The following SPON1 variants were observed in gnomAD, a reference collection of about 807,000 sequenced individuals.
SPON1 encodes spondin-1.
In SPON1, 52 loss-of-function variants were observed where a neutral mutation model predicts 111.7. The ratio of observed to expected loss-of-function variants is 0.47; its 90% CI spans 0.37 to 0.59. SPON1 has a LOEUF of 0.59. Ranked by LOEUF, SPON1 falls within the 20% of genes least tolerant of loss-of-function variation. The pLI is 0.00. For missense variants in SPON1, 957 were observed against 1,068.5 expected, an observed-to-expected ratio of 0.90 and a Z score of 1.46; for synonymous variants, 410 against 395.8, an observed-to-expected ratio of 1.04 and a Z score of -0.43.
chr11:14,078,878 A>G (rs1359842897), intron 4 of SPON1, among the ~76,000 whole-genome samples: 1 of 152,212 alleles, frequency 6.6e-6, no homozygotes, highest in Admixed American at 6.5e-5. Flanking sequence ...TGGATTTTAT[A>G]TATTTAAACC....
rs575762179 is a variant in SPON1, at chr11:14,117,464, G to A, written c.677-17956G>A. The stretch of plus-strand genomic sequence containing the variant: ...TATTCATGTAATTTTTTCTGTTAAT[G>A]TGATGAATTGTATTGATTAAATTTT... On this transcript the variant is annotated intron_variant, in intron 5 of 15. Coordinates refer to ENST00000576479, the MANE Select transcript of SPON1 (RefSeq NM_006108.4). 3.8e-4 allele frequency among the ~76,000 whole-genome samples: 58 copies of A among 152,206 alleles called. No individual in the cohort carries two copies. In the South Asian group the frequency reaches 0.012, roughly 31 times the overall value.
At chr11:14,094,081 G>A (rs1260976052) in intron 5 of SPON1, among the ~76,000 whole-genome samples, 3 of 151,984 alleles carry the variant, frequency 2.0e-5, no homozygotes, top group African/African-American at 7.3e-5. Context: ...GCATGCTGGT[G>A]TGTGCCTGTA....
intron 6 of SPON1, among the ~76,000 whole-genome samples, chr11:14,156,485 G>T (rs1255608173): frequency 1.3e-5 from 2 of 149,466 alleles, no homozygotes; most frequent in Admixed American, 6.7e-5. Context: ...CTCTGCAGAA[G>T]CTCTTGAGTT....
intron 6 of SPON1, among the ~76,000 whole-genome samples, chr11:14,168,455 C>T (rs559260860): frequency 9.0e-4 from 137 of 152,204 alleles, no homozygotes; most frequent in African/African-American, 3.2e-3. Context: ...ACAACACATA[C>T]AAAAATGCAG....
chr11:14,259,823 C>T lies in SPON1; in HGVS notation c.1831+122C>T, dbSNP rs1266448517. 8.8e-7 allele frequency: 1 copy of T among 1,137,964 alleles called. No homozygotes were observed. Among genetic ancestry groups the T allele is most frequent in the Non-Finnish European group, 1.2e-6 (1 of 808,230 alleles). The allele number at this position is 1,137,964 out of a possible 1,614,324, so 70.5% of individuals were successfully genotyped here. On this transcript the variant is annotated intron_variant, in intron 13 of 15. Coordinates refer to ENST00000576479, the MANE Select transcript of SPON1 (RefSeq NM_006108.4). The surrounding 1 kb of genome is among the most constrained non-coding windows in gnomAD (Gnocchi z 5.0). The stretch of plus-strand genomic sequence containing the variant: ...GCAGAGGAAAGCATGGCCCATGGTC[C>T]TTGCTGGGCACTGCTGGGAGCCAGA...
intron 5 of SPON1, among the ~76,000 whole-genome samples, chr11:14,089,257 T>A (rs183160425): frequency 5.7e-4 from 87 of 152,304 alleles, no homozygotes; most frequent in Middle Eastern, 3.4e-3. Flanking sequence ...TTTATCCTCA[T>A]CTTCATGGAT....
At chr11:14,233,820 T>TGG (rs1215936131) in intron 6 of SPON1, among the ~76,000 whole-genome samples, 4 of 139,908 alleles carry the variant, frequency 2.9e-5, no homozygotes, top group African/African-American at 1.1e-4. Context: ...TGGAGTGCAA[T>TGG]GGTACAATCT....
At chr11:14,152,744 ATGAC>A (rs1564916737) in intron 6 of SPON1, among the ~76,000 whole-genome samples, 4 of 152,226 alleles carry the variant, frequency 2.6e-5, no homozygotes, top group African/African-American at 4.8e-5. Context: ...TTAAAATGCA[ATGAC>A]TTCCCTGCAT....
In SPON1 at chr11:14,070,778, C is replaced by A. The variant is rs557461713; in HGVS notation, c.480-4567C>A. Reference sequence around the variant, plus strand: ...TTCACAAACTCTAACTTCACCCCAACAGGCAGATTCCCTCAGGAAAAAGAG... The same window carrying A: ...TTCACAAACTCTAACTTCACCCCAAAAGGCAGATTCCCTCAGGAAAAAGAG... On this transcript the variant is annotated intron_variant, in intron 3 of 15. Coordinates refer to ENST00000576479, the MANE Select transcript of SPON1 (RefSeq NM_006108.4). Among the ~76,000 whole-genome samples the A allele has an allele frequency of 3.9e-5, 6 of 152,262 alleles. No homozygotes were observed. In the East Asian group the frequency reaches 1.2e-3, roughly 29 times the overall value.
chr11:14,090,615 C>T (rs1849043302), intron 5 of SPON1, among the ~76,000 whole-genome samples: 1 of 152,042 alleles, frequency 6.6e-6, no homozygotes, highest in South Asian at 2.1e-4. Context: ...TTGTTCGTTC[C>T]TCCTGGTGGG....
intron 2 of SPON1, among the ~76,000 whole-genome samples, chr11:14,001,976 G>T (rs528899776): frequency 6.6e-6 from 1 of 152,268 alleles, no homozygotes; most frequent in South Asian, 2.1e-4. Context: ...ACATATCAGA[G>T]GAGGGAAGAA....
intron 6 of SPON1, among the ~76,000 whole-genome samples, chr11:14,172,289 G>A (rs1382869795): frequency 6.6e-6 from 1 of 151,870 alleles, no homozygotes; most frequent in Non-Finnish European, 1.5e-5. Flanking sequence ...TTTAAAGTCT[G>A]TTTTATCCGA....
At chr11:14,160,869 T>A (rs1429897209) in intron 6 of SPON1, among the ~76,000 whole-genome samples, 1 of 36,314 alleles carries the variant, frequency 2.8e-5, no homozygotes, top group Admixed American at 5.3e-4. Flanking sequence ...ATTTATATAT[T>A]TTTATATTTT....
intron 5 of SPON1, among the ~76,000 whole-genome samples, chr11:14,086,967 G>A (rs1489773595): frequency 3.3e-5 from 5 of 152,200 alleles, no homozygotes; most frequent in African/African-American, 1.2e-4. Context: ...ATGGGAGTCT[G>A]TAGTTTTGTG....
chr11:14,123,401 T>A (rs1361873145), intron 5 of SPON1, among the ~76,000 whole-genome samples: 1 of 152,184 alleles, frequency 6.6e-6, no homozygotes, highest in Non-Finnish European at 1.5e-5. Flanking sequence ...AAGTCTAGAG[T>A]AGCCTTTACT....
chr11:14,179,245 T>C (rs1423762874), intron 6 of SPON1, among the ~76,000 whole-genome samples: 10 of 152,208 alleles, frequency 6.6e-5, no homozygotes, highest in African/African-American at 2.4e-4. Context: ...TTAGAATCCA[T>C]TGAGCGGGTT....
At chr11:14,179,414 C>A (rs1339893711) in intron 6 of SPON1, among the ~76,000 whole-genome samples, 1 of 152,234 alleles carries the variant, frequency 6.6e-6, no homozygotes, top group Admixed American at 6.5e-5. Flanking sequence ...TCATTCATAC[C>A]CTTGGATGCT....
chr11:14,029,033 T>C (rs1209236872), intron 2 of SPON1, among the ~76,000 whole-genome samples: 3 of 152,118 alleles, frequency 2.0e-5, no homozygotes, highest in Non-Finnish European at 4.4e-5. Flanking sequence ...GAAGTCTGTC[T>C]CTACTTTTCT....
intron 5 of SPON1, among the ~76,000 whole-genome samples, chr11:14,086,202 G>C (rs111877401): frequency 6.6e-6 from 1 of 152,132 alleles, no homozygotes; most frequent in Non-Finnish European, 1.5e-5. Context: ...AGTGGTGAGA[G>C]GGGGCATCCT....
Sources: allele counts gnomAD v4.1 joint callset (sites outside exome capture counted in the v4.1 genomes callset), GRCh38; gene constraint gnomAD v4.1.1; non-coding constraint Gnocchi (gnomAD v3.1); transcripts MANE v1.5; gene names NCBI Gene and HGNC (gene_info 2026-07-23, HGNC 2026-07-21).